The following PPM1H variants were observed in gnomAD, a reference collection of about 807,000 sequenced individuals.
The protein encoded by PPM1H is protein phosphatase 1H.
Under a neutral mutation model 54.9 loss-of-function variants are expected in PPM1H, and 27 were observed. The observed-to-expected ratio is 0.49, with a 90% CI of 0.36 to 0.68. The LOEUF (loss-of-function observed/expected upper bound fraction) is 0.68. Ranked by LOEUF, PPM1H falls within the 30% of genes least tolerant of loss-of-function variation. The probability of loss-of-function intolerance (pLI) is 0.00; values close to 1 mark genes in which losing one functional copy is unlikely to be tolerated. For missense variants in PPM1H, 596 were observed against 667.8 expected (o/e 0.89, Z 1.19); for synonymous variants, 305 against 270.8 (o/e 1.13, Z -1.24).
chr12:62,847,253 T>G (rs1264117521), intron 1 of PPM1H, among the ~76,000 whole-genome samples: 1 of 152,238 alleles, frequency 6.6e-6, no homozygotes, highest in African/African-American at 2.4e-5. Flanking sequence ...TCCCTAGTTC[T>G]AGGTGTTCCC....
intron 1 of PPM1H, among the ~76,000 whole-genome samples, chr12:62,933,431 C>CCAAT (rs991118744): frequency 6.6e-6 from 1 of 152,050 alleles, no homozygotes; most frequent in Non-Finnish European, 1.5e-5. Flanking sequence ...CCCGGACGAA[C>CCAAT]CAATCAACCA....
At chr12:62,786,199 T>C (rs951946736) in intron 4 of PPM1H, among the ~76,000 whole-genome samples, 15 of 152,240 alleles carry the variant, frequency 9.9e-5, no homozygotes, top group Admixed American at 9.2e-4. Flanking sequence ...CCTCCTTTGC[T>C]GCTCTCCTCT....
intron 5 of PPM1H, among the ~76,000 whole-genome samples, chr12:62,725,727 G>A (rs1385963233): frequency 4.0e-5 from 6 of 151,886 alleles, no homozygotes; most frequent in African/African-American, 7.3e-5. Flanking sequence ...AATCTTTTCC[G>A]CCCCTGCAGG....
chr12:62,857,550 C>G (rs547702819), intron 1 of PPM1H, among the ~76,000 whole-genome samples: 1 of 152,302 alleles, frequency 6.6e-6, no homozygotes, highest in African/African-American at 2.4e-5. Context: ...CTCACATGCT[C>G]TTTATAAGTC....
chr12:62,908,422 A>AAAAAAAAAAAAAAAAAG (rs1284923713), intron 1 of PPM1H, among the ~76,000 whole-genome samples: 3 of 134,176 alleles, frequency 2.2e-5, no homozygotes, highest in Admixed American at 7.9e-5. Flanking sequence ...AAAAAAAAAA[A>AAAAAAAAAAAAAAAAAG]AAAGAAAGAA....
At chr12:62,842,598 C>A (rs58144383) in intron 1 of PPM1H, among the ~76,000 whole-genome samples, 10,549 of 152,254 alleles carry the variant, frequency 0.069, 580 homozygotes, top group African/African-American at 0.15. Context: ...ACTATCTAGG[C>A]CTCTGGTATT....
chr12:62,680,911 T>C (rs923826082), intron 8 of PPM1H, among the ~76,000 whole-genome samples: 3 of 152,194 alleles, frequency 2.0e-5, no homozygotes, highest in East Asian at 3.9e-4. Context: ...CTGAACTCCC[T>C]GGAGTTATTT....
intron 4 of PPM1H, among the ~76,000 whole-genome samples, chr12:62,769,873 G>A (rs1324185029): frequency 6.6e-6 from 1 of 152,118 alleles, no homozygotes; most frequent in Non-Finnish European, 1.5e-5. Flanking sequence ...AAGAGGGAGG[G>A]TATGGTAACC....
At chr12:62,845,522 A>G (rs932754136) in intron 1 of PPM1H, among the ~76,000 whole-genome samples, 2 of 152,194 alleles carry the variant, frequency 1.3e-5, no homozygotes, top group South Asian at 2.1e-4. Context: ...TGAGGTATGG[A>G]AAGTCTTGTA....
At chr12:62,764,443 A>G (rs566038318) in intron 4 of PPM1H, among the ~76,000 whole-genome samples, 3 of 152,338 alleles carry the variant, frequency 2.0e-5, no homozygotes, top group African/African-American at 7.2e-5. Context: ...CATTCTGTGC[A>G]TATGGAAGGC....
rs3052402 is a variant in PPM1H at position 62,748,529 on chromosome 12, AACACACACACAC to A, written c.870-10955_870-10944del. Among the ~76,000 whole-genome samples, 1,000 of 147,396 alleles carry A rather than the reference AACACACACACAC, an allele frequency of 6.8e-3. 18 individuals are homozygous for A. The highest frequency in any genetic ancestry group is 0.024 in the African/African-American group (949 of 39,856). ...TGTAGTTAAATGTGTTTCAGTGTAG[AACACACACACAC>A]ACACACACACACACACACACACACA... On this transcript the variant is annotated intron_variant, in intron 4 of 9. Coordinates refer to ENST00000228705, the MANE Select transcript of PPM1H (RefSeq NM_020700.2).
intron 1 of PPM1H, among the ~76,000 whole-genome samples, chr12:62,932,582 A>G (rs1592676970): frequency 7.3e-6 from 1 of 136,362 alleles, no homozygotes; most frequent in Non-Finnish European, 1.5e-5. Context: ...CAATTATACC[A>G]CAGGGTATGC....
intron 5 of PPM1H, among the ~76,000 whole-genome samples, chr12:62,730,300 C>T (rs866109045): frequency 9.8e-5 from 15 of 152,294 alleles, no homozygotes; most frequent in South Asian, 6.2e-4. Flanking sequence ...CTGCTATGCA[C>T]GCTCTGGTCT....
At chr12:62,932,721 G>T (rs1872185327) in intron 1 of PPM1H, among the ~76,000 whole-genome samples, 1 of 132,872 alleles carries the variant, frequency 7.5e-6, no homozygotes, top group Non-Finnish European at 1.5e-5. Flanking sequence ...TGCCATCTCT[G>T]CCTCCCGGGT....
At chr12:62,692,845 C>G (rs1395056868) in intron 7 of PPM1H, among the ~76,000 whole-genome samples, 2 of 151,970 alleles carry the variant, frequency 1.3e-5, no homozygotes, top group Non-Finnish European at 2.9e-5. Flanking sequence ...ATTCCTCCTT[C>G]TGTTGAGATG....
At chr12:62,669,395 A>G (rs887707305) in intron 8 of PPM1H, among the ~76,000 whole-genome samples, 1 of 152,234 alleles carries the variant, frequency 6.6e-6, no homozygotes, top group African/African-American at 2.4e-5. Context: ...AATCCAGATT[A>G]CAATTCAGTT....
chr12:62,712,697 A>G (rs2076214108), intron 6 of PPM1H, among the ~76,000 whole-genome samples: 1 of 152,232 alleles, frequency 6.6e-6, no homozygotes, highest in African/African-American at 2.4e-5. Context: ...AGGCTTTCTA[A>G]GGTAGGCTAA....
intron 2 of PPM1H, among the ~76,000 whole-genome samples, chr12:62,813,499 C>T (rs1007766366): frequency 6.6e-6 from 1 of 152,166 alleles, no homozygotes; most frequent in Non-Finnish European, 1.5e-5. Flanking sequence ...ATATGGCAAC[C>T]CATTGCAGGG....
At chr12:62,755,146 A>G in intron 4 of PPM1H, 2 of 471,578 alleles carry the variant, frequency 4.2e-6, no homozygotes, top group Non-Finnish European at 7.9e-6. Context: ...TAAATTGTAC[A>G]TAAGTAGCTC....
Sources: allele counts gnomAD v4.1 joint callset (sites outside exome capture counted in the v4.1 genomes callset), GRCh38; gene constraint gnomAD v4.1.1; transcripts MANE v1.5; gene names NCBI Gene and HGNC (gene_info 2026-07-23, HGNC 2026-07-21).